Variants in AFG2A observed in about 807,000 individuals in gnomAD.
The protein encoded by AFG2A is ATPase family gene 2 protein homolog A.
the AFG2A span, among the ~76,000 whole-genome samples, chr4:123,016,696 C>T: frequency 2.0e-5 from 3 of 151,204 alleles, no homozygotes; most frequent in South Asian, 2.1e-4. Context: ...CAGGCAGAGA[C>T]GCTCCTCACT....
the AFG2A span, among the ~76,000 whole-genome samples, chr4:123,046,166 G>A: frequency 2.0e-5 from 3 of 151,358 alleles, no homozygotes; most frequent in East Asian, 1.9e-4. Context: ...AATTTATTTC[G>A]TTTTTATGGG....
At chr4:123,227,651 T>A in the AFG2A span, among the ~76,000 whole-genome samples, 2 of 152,190 alleles carry the variant, frequency 1.3e-5, no homozygotes, top group East Asian at 3.8e-4. Flanking sequence ...AATTTTGGAA[T>A]AGGTATGGTG....
At chr4:123,072,145 A>G in the AFG2A span, among the ~76,000 whole-genome samples, 1 of 152,198 alleles carries the variant, frequency 6.6e-6, no homozygotes, top group African/African-American at 2.4e-5. Context: ...TGGAATCTTA[A>G]GCCATTCAAC....
At chr4:123,216,193 A>C in the AFG2A span, among the ~76,000 whole-genome samples, 1 of 152,142 alleles carries the variant, frequency 6.6e-6, no homozygotes, top group African/African-American at 2.4e-5. Context: ...GAATGTTTCT[A>C]GGAGGTATTC....
At chr4:123,025,322 G>T in the AFG2A span, among the ~76,000 whole-genome samples, 1 of 152,322 alleles carries the variant, frequency 6.6e-6, no homozygotes, top group African/African-American at 2.4e-5. Flanking sequence ...TACCTGCCTT[G>T]AGAGAACCTG....
the AFG2A span, among the ~76,000 whole-genome samples, chr4:123,137,464 C>G: frequency 2.0e-5 from 3 of 152,208 alleles, no homozygotes; most frequent in Non-Finnish European, 2.9e-5. Context: ...CCCTCTACAT[C>G]TCTTGGTAAT....
chr4:123,028,961 A>G, the AFG2A span, among the ~76,000 whole-genome samples: 1 of 152,244 alleles, frequency 6.6e-6, no homozygotes, highest in African/African-American at 2.4e-5. Flanking sequence ...AGGACCAGAT[A>G]TTAATTTTAT....
chr4:123,016,806 C>T, the AFG2A span, among the ~76,000 whole-genome samples: 676 of 151,598 alleles, frequency 4.5e-3, 2 homozygotes, highest in African/African-American at 0.015. Flanking sequence ...GCTGAGATCA[C>T]GCCACTGCAC....
At chr4:122,938,074 A>C in the AFG2A span, 56 of 1,466,138 alleles carry the variant, frequency 3.8e-5, no homozygotes, top group Non-Finnish European at 4.8e-5. Flanking sequence ...AACTAAGTAA[A>C]ACTTAAAATC....
the AFG2A span, among the ~76,000 whole-genome samples, chr4:123,134,408 C>T: frequency 6.6e-6 from 1 of 152,124 alleles, no homozygotes; most frequent in Non-Finnish European, 1.5e-5. Context: ...AATCAATTGA[C>T]TATAGACATG....
At chr4:123,118,339 T>TA in the AFG2A span, among the ~76,000 whole-genome samples, 2 of 94,838 alleles carry the variant, frequency 2.1e-5, no homozygotes, top group African/African-American at 6.3e-5. Flanking sequence ...AATATATATA[T>TA]TATATTATAT....
chr4:123,192,112 C>T, the AFG2A span, among the ~76,000 whole-genome samples: 5 of 151,798 alleles, frequency 3.3e-5, no homozygotes, highest in Admixed American at 2.0e-4. Context: ...CTGCAACCTC[C>T]GCCTCCTGGA....
At chr4:122,934,556 C>G in the AFG2A span, 4 of 1,613,742 alleles carry the variant, frequency 2.5e-6, no homozygotes, top group East Asian at 8.9e-5. Flanking sequence ...AATACTGATA[C>G]TTTTTATTTT....
chr4:123,072,475 A>G, the AFG2A span, among the ~76,000 whole-genome samples: 25 of 152,196 alleles, frequency 1.6e-4, no homozygotes, highest in Non-Finnish European at 3.4e-4. Context: ...ATGGTTTATC[A>G]GAAACAAGGA....
the AFG2A span, among the ~76,000 whole-genome samples, chr4:123,019,280 G>A: frequency 0.034 from 1,828 of 54,128 alleles, 41 homozygotes; most frequent in African/African-American, 0.066. Flanking sequence ...TTGAACCCAA[G>A]ACCATTTTTT....
chr4:123,124,652 A>G, the AFG2A span, among the ~76,000 whole-genome samples: 1 of 152,214 alleles, frequency 6.6e-6, no homozygotes, highest in Non-Finnish European at 1.5e-5. Context: ...ACAACAACAA[A>G]AAAAACCATG....
At chr4:123,023,172 A>T in the AFG2A span, among the ~76,000 whole-genome samples, 1 of 151,824 alleles carries the variant, frequency 6.6e-6, no homozygotes, top group Admixed American at 6.6e-5. Flanking sequence ...GTACCCTAAA[A>T]CTTAAAGTAT....
chr4:123,047,702 CTT>C, the AFG2A span, among the ~76,000 whole-genome samples: 1 of 144,816 alleles, frequency 6.9e-6, no homozygotes, highest in Admixed American at 6.9e-5. Flanking sequence ...TGTTTAAGTG[CTT>C]TTTTTTTTTT....
chr4:123,242,772 T>C, the AFG2A span, among the ~76,000 whole-genome samples: 1 of 152,084 alleles, frequency 6.6e-6, no homozygotes, highest in Non-Finnish European at 1.5e-5. Context: ...TCTAAAGAGC[T>C]TCTGCACAGC....
Sources: allele counts gnomAD v4.1 joint callset (sites outside exome capture counted in the v4.1 genomes callset), GRCh38; gene constraint gnomAD v4.1.1; transcripts MANE v1.5; gene names NCBI Gene and HGNC (gene_info 2026-07-23, HGNC 2026-07-21).